LARS2: variants seen among roughly 807,000 people sequenced by gnomAD.
LARS2 encodes leucine--tRNA ligase, mitochondrial.
Under a neutral mutation model 116.6 loss-of-function variants are expected in LARS2, and 81 were observed. That is an observed-to-expected ratio of 0.69 (90% CI 0.58 to 0.84). LARS2 has a LOEUF of 0.84. Ranked by LOEUF, LARS2 falls within the 40% of genes least tolerant of loss-of-function variation. The pLI, the probability that LARS2 is intolerant of heterozygous loss-of-function variation, is 0.00. For missense variants in LARS2, 968 were observed against 1,114.5 expected (o/e 0.87, Z 1.87); for synonymous variants, 396 against 407.2 (o/e 0.97, Z 0.33).
chr3:45,535,581 A>T (rs1700689187), intron 20 of LARS2, among the ~76,000 whole-genome samples: 1 of 152,110 alleles, frequency 6.6e-6, no homozygotes. Flanking sequence ...AGATAACACA[A>T]TTGTAGAGAT....
intron 3 of LARS2, among the ~76,000 whole-genome samples, chr3:45,398,994 G>A (rs1169634327): frequency 1.3e-5 from 2 of 152,172 alleles, no homozygotes; most frequent in African/African-American, 4.8e-5. Flanking sequence ...GATGCCAGAA[G>A]TCAGTGATCC....
At chr3:45,469,253 G>C (rs1052158560) in intron 8 of LARS2, among the ~76,000 whole-genome samples, 1 of 152,154 alleles carries the variant, frequency 6.6e-6, no homozygotes, top group African/African-American at 2.4e-5. Flanking sequence ...AGAGGTTGAC[G>C]CAGGGCTATC....
At chr3:45,538,614 G>A (rs1700746410) in intron 20 of LARS2, among the ~76,000 whole-genome samples, 1 of 152,240 alleles carries the variant, frequency 6.6e-6, no homozygotes, top group Non-Finnish European at 1.5e-5. Flanking sequence ...CATCTGGGCA[G>A]CAGGAATCTG....
intron 4 of LARS2, among the ~76,000 whole-genome samples, chr3:45,405,528 T>C (rs1039749723): frequency 7.2e-5 from 11 of 152,198 alleles, no homozygotes; most frequent in African/African-American, 2.7e-4. Context: ...AACTCACATA[T>C]CTCAGTGACA....
Position 45,436,704 on chromosome 3 carries a change from G to C in LARS2, c.517-10187G>C, listed in dbSNP as rs530490499. Among the ~76,000 whole-genome samples, 9 of 150,392 alleles carry C rather than the reference G, an allele frequency of 6.0e-5. No homozygotes were observed. In the South Asian group the frequency reaches 1.9e-3, roughly 31 times the overall value. ...AGCTACTCGGGAGGCTGAGGCAAGA[G>C]AATGGCGTGAACCCGGGAAGCGGAG... On this transcript the variant is annotated intron_variant, in intron 6 of 21. Transcript: ENST00000645846.
chr3:45,540,128 A>AG lies in LARS2; in HGVS notation c.2405-1699dup, dbSNP rs58168059. On this transcript the variant is annotated intron_variant, in intron 20 of 21. Coordinates refer to ENST00000645846, the MANE Select transcript of LARS2 (RefSeq NM_015340.4). Reference sequence around the variant, plus strand: ...CAAAAAATTAGCCAGGCATGGTGGCAGGCGCCTGTAACCCCAGCTACTCAG... The same window carrying AG: ...CAAAAAATTAGCCAGGCATGGTGGCAGGGCGCCTGTAACCCCAGCTACTCAG... 9.4e-3 allele frequency among the ~76,000 whole-genome samples: 1,427 copies of AG among 152,042 alleles called. 18 individuals are homozygous for AG. The highest frequency in any genetic ancestry group is 0.025 in the African/African-American group (1,046 of 41,476).
At chr3:45,504,948 C>T (rs567454489) in intron 15 of LARS2, among the ~76,000 whole-genome samples, 2 of 151,714 alleles carry the variant, frequency 1.3e-5, no homozygotes, top group East Asian at 3.9e-4. Flanking sequence ...AGCATGGTGG[C>T]ATGCGCCTGT....
At chr3:45,419,148 T>C (rs1698476985) in intron 5 of LARS2, among the ~76,000 whole-genome samples, 2 of 152,228 alleles carry the variant, frequency 1.3e-5, no homozygotes, top group South Asian at 4.1e-4. Flanking sequence ...CCATGTTATA[T>C]TATAAGTTGG....
At chr3:45,416,329 A>G (rs1227657250) in intron 4 of LARS2, among the ~76,000 whole-genome samples, 9 of 151,686 alleles carry the variant, frequency 5.9e-5, no homozygotes, top group Non-Finnish European at 8.8e-5. Context: ...TATTGCCTCA[A>G]TCAGGGGAGA....
chr3:45,450,472 C>T (rs1283212516), intron 7 of LARS2, among the ~76,000 whole-genome samples: 1 of 152,190 alleles, frequency 6.6e-6, no homozygotes, highest in African/African-American at 2.4e-5. Flanking sequence ...TAAGCTCTCA[C>T]ATATGAGTGA....
At chr3:45,479,046 G>A (rs886868288) in intron 10 of LARS2, among the ~76,000 whole-genome samples, 3 of 151,988 alleles carry the variant, frequency 2.0e-5, no homozygotes, top group East Asian at 1.9e-4. Context: ...AGTGACCACC[G>A]AGTGTCATGG....
intron 20 of LARS2, among the ~76,000 whole-genome samples, chr3:45,525,797 C>T (rs555143878): frequency 3.3e-5 from 5 of 152,294 alleles, no homozygotes; most frequent in African/African-American, 1.2e-4. Flanking sequence ...GTTGAGTGTA[C>T]CCAAGATAAG....
intron 15 of LARS2, among the ~76,000 whole-genome samples, chr3:45,508,855 C>T (rs1700237073): frequency 6.6e-6 from 1 of 151,720 alleles, no homozygotes; most frequent in African/African-American, 2.4e-5. Context: ...CTTCCTCCCT[C>T]TCCTCCCTCC....
At chr3:45,447,740 G>A (rs930345201) in intron 7 of LARS2, among the ~76,000 whole-genome samples, 1 of 152,168 alleles carries the variant, frequency 6.6e-6, no homozygotes, top group East Asian at 1.9e-4. Context: ...AGGGTTCTTG[G>A]AAAGATTAAA....
Position 45,391,660 on chromosome 3 carries a change from ATTTT to A in LARS2, c.-22+13_-22+16del, listed in dbSNP as rs773235116. On this transcript the variant is annotated intron_variant, in intron 2 of 21. Coordinates refer to ENST00000645846, the MANE Select transcript of LARS2 (RefSeq NM_015340.4). Reference sequence around the variant, plus strand: ...GCTTATGATTTGAGGTGGGGCTCTAATTTTAAGTTTTTCTCTTATTTGTTGAATA... The same window carrying A: ...GCTTATGATTTGAGGTGGGGCTCTAAAAGTTTTTCTCTTATTTGTTGAATA... 6 of 152,100 alleles carry A rather than the reference ATTTT, an allele frequency of 3.9e-5. No individual in the cohort carries two copies. The highest frequency in any genetic ancestry group is 7.2e-5 in the African/African-American group (3 of 41,422). 9.4% of individuals were successfully genotyped at this position (152,100 alleles called of 1,614,324 possible).
chr3:45,400,049 A>T (rs1183539786), intron 3 of LARS2, among the ~76,000 whole-genome samples, 196 bp from the exon 4 acceptor site: 2 of 152,042 alleles, frequency 1.3e-5, no homozygotes, highest in African/African-American at 4.8e-5. Context: ...ATTATTTTGG[A>T]CATTCTTTAG....
chr3:45,427,082 T>C (rs972981397), intron 6 of LARS2, among the ~76,000 whole-genome samples: 2 of 152,178 alleles, frequency 1.3e-5, no homozygotes, highest in Non-Finnish European at 2.9e-5. Context: ...GGTTACTCTT[T>C]AAATGCCTTA....
intron 20 of LARS2, among the ~76,000 whole-genome samples, chr3:45,529,279 A>T (rs868450862): frequency 6.6e-6 from 1 of 152,248 alleles, no homozygotes; most frequent in South Asian, 2.1e-4. Flanking sequence ...TTAAAAGCTA[A>T]GTAGCCGCCG....
intron 6 of LARS2, among the ~76,000 whole-genome samples, chr3:45,431,416 T>C (rs1698711931): frequency 6.6e-6 from 1 of 152,232 alleles, no homozygotes; most frequent in Admixed American, 6.5e-5. Context: ...CTCCACTGTT[T>C]GTTGTCTACA....
Sources: gnomAD v4.1 joint callset for allele counts (sites outside exome capture counted in the v4.1 genomes callset) on GRCh38, gnomAD v4.1.1 for gene constraint, MANE v1.5 for transcripts, NCBI Gene and HGNC (gene_info 2026-07-23, HGNC 2026-07-21) for gene names.